ETF1: variants seen among roughly 807,000 people sequenced by gnomAD.
The protein encoded by ETF1 is eukaryotic peptide chain release factor subunit 1.
A neutral mutation model predicts 55.1 loss-of-function variants in ETF1; 4 were observed. That is an observed-to-expected ratio of 0.07 (90% confidence interval 0.04 to 0.17). The LOEUF (loss-of-function observed/expected upper bound fraction) is 0.17. ETF1 is among the 10% of genes least tolerant of loss of function. The probability of loss-of-function intolerance (pLI) is 1.00; values close to 1 mark genes in which losing one functional copy is unlikely to be tolerated. For synonymous variants in ETF1, 157 were observed against 182.3 expected, an observed-to-expected ratio of 0.86 and a Z score of 1.12; for missense variants, 142 against 523.6, an observed-to-expected ratio of 0.27 and a Z score of 7.11.
chr5:138,508,123 C>T lies in ETF1; in HGVS notation c.*182G>A, dbSNP rs1764623785. The T allele has an allele frequency of 1.4e-5, 10 of 713,200 alleles. No individual in the cohort carries two copies. The South Asian group carries it at 2.4e-4, about 17-fold the overall frequency. 44.2% of individuals were successfully genotyped at this position (713,200 alleles called of 1,614,324 possible). On this transcript the variant is annotated 3_prime_UTR_variant, in exon 11 of 11. Coordinates refer to ENST00000360541, the MANE Select transcript of ETF1 (RefSeq NM_004730.4). ...GCTGCTGCGCTGACACCATGACAAA[C>T]CAAAGTGTAGGGCTGGGTCTGGTTT...
At chr5:138,521,395 C>T (rs114662507) in intron 2 of ETF1, among the ~76,000 whole-genome samples, 1,539 of 152,204 alleles carry the variant, frequency 0.01, 32 homozygotes, top group African/African-American at 0.034. Context: ...AGACTGGCTG[C>T]ACAACAGTGT....
chr5:138,519,149 A>G (rs1417898589), intron 2 of ETF1: 1 of 984,432 alleles, frequency 1.0e-6, no homozygotes, highest in Non-Finnish European at 1.2e-6. Context: ...TCCTAAAGAA[A>G]GAAGCTATCT....
intron 2 of ETF1, chr5:138,541,613 A>G (rs1680053458): frequency 6.5e-7 from 1 of 1,529,564 alleles, no homozygotes. Context: ...AAAATTGCAA[A>G]TCTACCCATA....
chr5:138,542,596 G>A (rs909198788), intron 2 of ETF1: 3 of 1,396,784 alleles, frequency 2.1e-6, no homozygotes, highest in Admixed American at 3.1e-5. Flanking sequence ...CCACGAGGGG[G>A]GCCGAGTGAT....
rs189115303 is a variant in ETF1, at chr5:138,523,695, A to G, written c.87-4828T>C. Among the ~76,000 whole-genome samples, 53 of 152,296 alleles carry G rather than the reference A, an allele frequency of 3.5e-4. 1 individual carries two copies. The highest frequency in any genetic ancestry group is 4.4e-5 in the Non-Finnish European group (3 of 68,032). ...CAGGGATTTTTAGGTTGATGGAAAT[A>G]CTGTTTTTCTTTTTTTAAGGAAAAT... On this transcript the variant is annotated intron_variant, in intron 2 of 10. Coordinates refer to ENST00000360541, the MANE Select transcript of ETF1 (RefSeq NM_004730.4).
At position 138,506,577 on chromosome 5, in the gene ETF1, A is replaced by C. The variant is rs1244777322; in HGVS notation, c.*1728T>G. The C allele has an allele frequency of 6.5e-6, 1 of 152,676 alleles. No individual in the cohort carries two copies. Among genetic ancestry groups the C allele is most frequent in the Admixed American group, 6.5e-5 (1 of 15,292 alleles). The allele number at this position is 152,676 out of a possible 1,614,324, so 9.5% of individuals were successfully genotyped here. On this transcript the variant is annotated 3_prime_UTR_variant, in exon 11 of 11. Coordinates refer to ENST00000360541, the MANE Select transcript of ETF1 (RefSeq NM_004730.4). ...CAAATAGCAGAGCCCAAAGCAAAAAAGCCTGTTCCGGTGAAGTCTCCCACG... is the reference window on the plus strand; with the variant it reads ...CAAATAGCAGAGCCCAAAGCAAAAACGCCTGTTCCGGTGAAGTCTCCCACG...
At chr5:138,532,426 C>T (rs1028142213) in intron 2 of ETF1, among the ~76,000 whole-genome samples, 14 of 152,136 alleles carry the variant, frequency 9.2e-5, no homozygotes, top group African/African-American at 4.8e-5. Context: ...GAGGATTCTA[C>T]GAGATCATAT....
rs1178912679 is a variant in ETF1, at chr5:138,518,814, C to A, written c.140G>T (p.Arg47Leu). 1 of 1,614,102 alleles carries A rather than the reference C, an allele frequency of 6.2e-7. No homozygotes were observed. The highest frequency in any genetic ancestry group is 8.5e-7 in the Non-Finnish European group (1 of 1,180,006). ...CTCATCCGCTAACATTTTTGCCACT[C>A]GTGAAATCTGGTCTTTGGGAGGAAT... ...LIIPPKDQIS[R>L]VAKMLADEFG... is the part of the protein sequence containing the mutation. Residue 47 changes from arginine to leucine, a missense_variant, in exon 3 of 11, where the codon CGA becomes CTA. Coordinates refer to ENST00000360541, the MANE Select transcript of ETF1 (RefSeq NM_004730.4).
intron 6 of ETF1, 131 bp from the exon 7 acceptor site, chr5:138,511,735 A>G: frequency 7.2e-7 from 1 of 1,387,362 alleles, no homozygotes; most frequent in Non-Finnish European, 9.3e-7. Context: ...AAGTCTAAAT[A>G]TGGGGAAGGA....
Position 138,518,727 on chromosome 5 carries a change from G to A in ETF1, c.227C>T (p.Thr76Ile), listed in dbSNP as rs1377091270. The change falls in exon 3 of 11, where the codon ACA becomes ATA. Residue 76 changes from threonine (T) to isoleucine (I), a missense_variant. Around this residue, in one of 5 missense-constraint regions of ETF1, gnomAD observed 11 missense variants for 92.7 expected, o/e 0.12. Coordinates refer to ENST00000360541, the MANE Select transcript of ETF1 (RefSeq NM_004730.4). ...VNRLSVLGAI[T>I]SVQQRLKLYN... ...AAGTTTGAGTCTTTGTTGTACAGATGTAATGGCTCCCAGGACTGAAAGGCG... is the reference window on the plus strand; with the variant it reads ...AAGTTTGAGTCTTTGTTGTACAGATATAATGGCTCCCAGGACTGAAAGGCG... 6.2e-7 allele frequency: 1 copy of A among 1,613,558 alleles called. No individual in the cohort carries two copies. The highest frequency in any genetic ancestry group is 8.5e-7 in the Non-Finnish European group (1 of 1,179,458).
At chr5:138,520,484 T>C (rs1484457078) in intron 2 of ETF1, among the ~76,000 whole-genome samples, 1 of 152,168 alleles carries the variant, frequency 6.6e-6, no homozygotes, top group Non-Finnish European at 1.5e-5. Flanking sequence ...AAGACACTTA[T>C]CATCACTACC....
Position 138,532,192 on chromosome 5 carries a change from G to A in ETF1, c.86+10641C>T, listed in dbSNP as rs371639672. 3.2e-4 allele frequency among the ~76,000 whole-genome samples: 48 copies of A among 152,180 alleles called. No individual in the cohort carries two copies. In the South Asian group the frequency reaches 9.7e-3, roughly 31 times the overall value. On this transcript the variant is annotated intron_variant, in intron 2 of 10. Transcript: ENST00000360541. ...CTACTCCATTTCCAAAACTGTCATTGTTTTATTCACTGTGTGTTTTCCATT... is the reference window on the plus strand; with the variant it reads ...CTACTCCATTTCCAAAACTGTCATTATTTTATTCACTGTGTGTTTTCCATT...
chr5:138,512,197 CAAA>C (rs58386195), intron 6 of ETF1, among the ~76,000 whole-genome samples: 35 of 2,812 alleles, frequency 0.012, no homozygotes, highest in Admixed American at 0.015. Flanking sequence ...GACCCAGTCT[CAAA>C]AAAAAAAAAA....
chr5:138,529,660 T>A (rs1441933232), intron 2 of ETF1: 1 of 985,242 alleles, frequency 1.0e-6, no homozygotes, highest in Non-Finnish European at 1.2e-6. Flanking sequence ...CATCAATGCT[T>A]CGCCCAGAGG....
intron 4 of ETF1, among the ~76,000 whole-genome samples, chr5:138,514,560 A>T (rs1449348997): frequency 6.7e-6 from 1 of 149,124 alleles, no homozygotes; most frequent in Non-Finnish European, 1.5e-5. Flanking sequence ...AAAAACTTTA[A>T]CTTGTTCCTT....
intron 10 of ETF1, 65 bp downstream of exon 10, chr5:138,508,604 C>T (rs1581010999): frequency 5.0e-6 from 8 of 1,599,252 alleles, no homozygotes; most frequent in Non-Finnish European, 6.0e-6. Context: ...AGGGCTAGGG[C>T]TAGCCAGGAG....
chr5:138,517,771 C>T, intron 3 of ETF1, 71 bp from the exon 4 acceptor site: 1 of 1,340,744 alleles, frequency 7.5e-7, no homozygotes, highest in South Asian at 2.4e-5. Flanking sequence ...AGAAAATGTT[C>T]CCATAGCCTA....
Position 138,543,162 on chromosome 5 carries a change from C to A in ETF1, c.-84G>T, listed in dbSNP as rs1561850866. ...GGCGGCGGCTCCGCGGCGGCGGCGGCTCTGACGTAGGACACCGGCTCCCTC... is the reference window on the plus strand; with the variant it reads ...GGCGGCGGCTCCGCGGCGGCGGCGGATCTGACGTAGGACACCGGCTCCCTC... On this transcript the variant is annotated 5_prime_UTR_variant, in exon 1 of 11. Transcript: ENST00000360541. 1.7e-6 allele frequency: 1 copy of A among 578,992 alleles called. No homozygotes were observed. The highest frequency in any genetic ancestry group is 3.0e-5 in the East Asian group (1 of 33,632). 35.9% of individuals were successfully genotyped at this position (578,992 alleles called of 1,614,324 possible). A position where few individuals can be genotyped will look rare whatever the true frequency, so the allele number is the denominator to read the frequency against.
intron 2 of ETF1, among the ~76,000 whole-genome samples, chr5:138,524,778 A>T (rs929226846): frequency 6.6e-6 from 1 of 151,792 alleles, no homozygotes; most frequent in African/African-American, 2.4e-5. Context: ...GGGTTTCACC[A>T]TGTTGGCCAG....
Sources: gnomAD v4.1 joint callset for allele counts (sites outside exome capture counted in the v4.1 genomes callset) on GRCh38, gnomAD v4.1.1 for gene constraint, gnomAD v4.1.1 regional missense constraint, MANE v1.5 for transcripts, NCBI Gene and HGNC (gene_info 2026-07-23, HGNC 2026-07-21) for gene names.